Variants in PLPP3 observed in about 807,000 individuals in gnomAD.
PLPP3 encodes the protein PAP2 beta.
Under a neutral mutation model 29.6 loss-of-function variants are expected in PLPP3, and 6 were observed. The observed-to-expected ratio is 0.20, with a 90% CI of 0.11 to 0.40. The LOEUF is 0.40. Ranked by LOEUF, PLPP3 falls within the 10% of genes least tolerant of loss-of-function variation. The probability of loss-of-function intolerance (pLI) is 1.00; values close to 1 mark genes in which losing one functional copy is unlikely to be tolerated. For synonymous variants in PLPP3, 152 were observed against 159.7 expected, an observed-to-expected ratio of 0.95 and a Z score of 0.36; for missense variants, 308 against 407.7, an observed-to-expected ratio of 0.76 and a Z score of 2.11.
At chr1:56,556,295 C>G (rs903220015) in intron 1 of PLPP3, among the ~76,000 whole-genome samples, 3 of 151,948 alleles carry the variant, frequency 2.0e-5, no homozygotes, top group Admixed American at 2.0e-4. Context: ...GGAATTTGGT[C>G]ACAGAGATAT....
At chr1:56,522,628 C>A (rs1001410829) in intron 4 of PLPP3, among the ~76,000 whole-genome samples, 15 of 152,048 alleles carry the variant, frequency 9.9e-5, no homozygotes, top group East Asian at 1.9e-4. Context: ...AATGGGAAGC[C>A]AATGTTGGCT....
rs1161778316 is a variant in PLPP3 at position 56,495,603 on chromosome 1, C to G, written c.*948G>C. 6.5e-6 allele frequency: 1 copy of G among 152,714 alleles called. No homozygotes were observed. The highest frequency in any genetic ancestry group is 2.4e-5 in the African/African-American group (1 of 41,452). The allele number at this position is 152,714 out of a possible 1,614,324, so 9.5% of individuals were successfully genotyped here. A position where few individuals can be genotyped will look rare whatever the true frequency, so the allele number is the denominator to read the frequency against. On this transcript the variant is annotated 3_prime_UTR_variant, in exon 6 of 6. Transcript: ENST00000371250. ...CTAAAAGGTTGGTTCGATTTTCATT[C>G]TGCCCCCTTCACCCTCCCATCTGTT...
At chr1:56,519,301 T>A (rs148413234) in intron 4 of PLPP3, among the ~76,000 whole-genome samples, 55 of 152,260 alleles carry the variant, frequency 3.6e-4, no homozygotes, top group African/African-American at 1.2e-3. Flanking sequence ...CTACTGCCAC[T>A]CTCTGCTCCA....
Position 56,509,786 on chromosome 1 carries a change from G to C in PLPP3, c.810+2190C>G, listed in dbSNP as rs138976682. Among the ~76,000 whole-genome samples the C allele has an allele frequency of 1.0e-4, 14 of 139,244 alleles. No individual in the cohort carries two copies. In the East Asian group the frequency reaches 2.9e-3, roughly 29 times the overall value. The allele number at this position is 139,244 out of a possible 152,430, so 91.3% of individuals were successfully genotyped here. A position where few individuals can be genotyped will look rare whatever the true frequency, so the allele number is the denominator to read the frequency against. ...TGAGAGGCAGAGGTTGCAGTGAGCC[G>C]AGATCGTGCCATTGCACTCTAGCCT... On this transcript the variant is annotated intron_variant, in intron 5 of 5. Coordinates refer to ENST00000371250, the MANE Select transcript of PLPP3 (RefSeq NM_003713.5).
chr1:56,536,843 G>C (rs747593550), intron 2 of PLPP3, 112 bp downstream of exon 2: 2 of 1,382,618 alleles, frequency 1.4e-6, no homozygotes, highest in Non-Finnish European at 2.0e-6. Flanking sequence ...ATATAGGCCA[G>C]AGAAAGTTGG....
At chr1:56,577,179 G>C (rs1646242434) in intron 1 of PLPP3, among the ~76,000 whole-genome samples, 1 of 152,182 alleles carries the variant, frequency 6.6e-6, no homozygotes, top group Admixed American at 6.5e-5. Flanking sequence ...CATGTGTTTA[G>C]TGCTTCCTTG....
chr1:56,545,423 C>A (rs1198515299), intron 1 of PLPP3, among the ~76,000 whole-genome samples: 2 of 152,174 alleles, frequency 1.3e-5, no homozygotes, highest in African/African-American at 4.8e-5. Flanking sequence ...AGATTTCTGT[C>A]CAAAGCTCAT....
chr1:56,542,093 G>A (rs1017869083), intron 1 of PLPP3, among the ~76,000 whole-genome samples: 1 of 151,966 alleles, frequency 6.6e-6, no homozygotes, highest in Non-Finnish European at 1.5e-5. Context: ...TGTGTAGGTT[G>A]CAGAGGAGGT....
At chr1:56,577,781 A>G (rs1045803217) in intron 1 of PLPP3, among the ~76,000 whole-genome samples, 3 of 152,150 alleles carry the variant, frequency 2.0e-5, no homozygotes, top group Non-Finnish European at 4.4e-5. Context: ...GGGGCCTTGG[A>G]GAGCATCTAC....
chr1:56,497,534 C>T (rs1476706221), intron 5 of PLPP3, among the ~76,000 whole-genome samples: 1 of 152,168 alleles, frequency 6.6e-6, no homozygotes, highest in Non-Finnish European at 1.5e-5. Flanking sequence ...TACTAAGTAA[C>T]CATAAGCGGC....
intron 1 of PLPP3, among the ~76,000 whole-genome samples, chr1:56,568,282 A>T (rs1395400075): frequency 6.6e-6 from 1 of 152,234 alleles, no homozygotes; most frequent in Non-Finnish European, 1.5e-5. Flanking sequence ...CTAAAAACCA[A>T]TGAATCGTGT....
chr1:56,552,680 C>T (rs1428335788), intron 1 of PLPP3, among the ~76,000 whole-genome samples: 1 of 152,158 alleles, frequency 6.6e-6, no homozygotes, highest in African/African-American at 2.4e-5. Context: ...TTCTCATCAG[C>T]CTAGTTGGGA....
intron 1 of PLPP3, among the ~76,000 whole-genome samples, chr1:56,572,215 A>C (rs1315480444): frequency 6.6e-6 from 1 of 151,582 alleles, no homozygotes; most frequent in Non-Finnish European, 1.5e-5. Flanking sequence ...ATGCCCGGCT[A>C]ATTTTTGTAT....
intron 5 of PLPP3, among the ~76,000 whole-genome samples, chr1:56,506,704 C>T (rs1422334426): frequency 2.0e-5 from 3 of 152,168 alleles, no homozygotes; most frequent in African/African-American, 7.2e-5. Flanking sequence ...TCGTCCTAGT[C>T]CCTGTGTGAG....
At chr1:56,517,623 T>C (rs1645790410) in intron 4 of PLPP3, among the ~76,000 whole-genome samples, 1 of 152,186 alleles carries the variant, frequency 6.6e-6, no homozygotes, top group Non-Finnish European at 1.5e-5. Flanking sequence ...GTACATTGAG[T>C]ATATTTGCCT....
intron 1 of PLPP3, among the ~76,000 whole-genome samples, chr1:56,548,809 A>T (rs1193420464): frequency 1.3e-5 from 2 of 152,104 alleles, no homozygotes; most frequent in African/African-American, 4.8e-5. Flanking sequence ...TGACTAATCC[A>T]GTAAATGAAT....
chr1:56,579,164 GC>G lies in PLPP3; in HGVS notation c.-149del. The G allele has an allele frequency of 9.9e-7, 1 of 1,011,930 alleles. No individual in the cohort carries two copies. Among genetic ancestry groups the G allele is most frequent in the Non-Finnish European group, 1.4e-6 (1 of 730,234 alleles). 62.7% of individuals were successfully genotyped at this position (1,011,930 alleles called of 1,614,324 possible). Reference sequence around the variant, plus strand: ...CTCCGGGCGCGGCGGCTAGAGTGCAGCCGGGGCTGCCTGCCTCCAACTGCAG... The same window carrying G: ...CTCCGGGCGCGGCGGCTAGAGTGCAGCGGGGCTGCCTGCCTCCAACTGCAG... On this transcript the variant is annotated 5_prime_UTR_variant, in exon 1 of 6. Coordinates refer to ENST00000371250, the MANE Select transcript of PLPP3 (RefSeq NM_003713.5).
At chr1:56,556,761 G>T (rs1262849078) in intron 1 of PLPP3, among the ~76,000 whole-genome samples, 2 of 151,098 alleles carry the variant, frequency 1.3e-5, no homozygotes, top group African/African-American at 4.9e-5. Context: ...TATTTATCAA[G>T]AAGGACTGTC....
chr1:56,555,455 A>AAAAAAAAC (rs1646069952), intron 1 of PLPP3, among the ~76,000 whole-genome samples: 1 of 149,308 alleles, frequency 6.7e-6, no homozygotes, highest in Non-Finnish European at 1.5e-5. Flanking sequence ...AAAAAAAAAA[A>AAAAAAAAC]AAAAACAAAA....
Sources: allele counts gnomAD v4.1 joint callset (sites outside exome capture counted in the v4.1 genomes callset), GRCh38; gene constraint gnomAD v4.1.1; transcripts MANE v1.5; gene names NCBI Gene and HGNC (gene_info 2026-07-23, HGNC 2026-07-21).